The following EFNA2 variants were observed in gnomAD, a reference collection of about 807,000 sequenced individuals.
EFNA2 encodes the protein ephrin A2.
In EFNA2, 18 loss-of-function variants were observed where a neutral mutation model predicts 19.7. The ratio of observed to expected loss-of-function variants is 0.91; its 90% CI spans 0.63 to 1.35. The LOEUF is 1.35. EFNA2 is among the 40% of genes most tolerant of loss of function. The probability of loss-of-function intolerance (pLI) is 0.00; values close to 1 mark genes in which losing one functional copy is unlikely to be tolerated. For missense variants in EFNA2, 303 were observed against 296.0 expected (o/e 1.02, Z -0.17); for synonymous variants, 187 against 137.8 (o/e 1.36, Z -2.50).
chr19:1,293,331 G>A (rs1267046046), intron 1 of EFNA2, among the ~76,000 whole-genome samples: 1 of 152,228 alleles, frequency 6.6e-6, no homozygotes, highest in South Asian at 2.1e-4. Flanking sequence ...AGGGGCCAGC[G>A]GGTCAATGAG....
In EFNA2 at chr19:1,299,897, C is replaced by T; in HGVS notation, c.594C>T (p.Arg198=). 6.2e-7 allele frequency: 1 copy of T among 1,605,420 alleles called. No homozygotes were observed. Residue 198 remains arginine, a synonymous_variant, in exon 4 of 4, where the codon CGC becomes CGT. Coordinates refer to ENST00000215368, the MANE Select transcript of EFNA2 (RefSeq NM_001405.4). The part of the protein sequence containing the change: ...NNSCSSPGGC[R]LFLSTIPVLW... Reference sequence around the variant, plus strand: ...CGTGTAGCAGCCCGGGCGGCTGCCGCCTCTTCCTCAGCACCATCCCCGTGC... The same window carrying T: ...CGTGTAGCAGCCCGGGCGGCTGCCGTCTCTTCCTCAGCACCATCCCCGTGC...
intron 1 of EFNA2, among the ~76,000 whole-genome samples, chr19:1,289,668 G>A (rs1438748050): frequency 2.6e-5 from 4 of 152,212 alleles, no homozygotes; most frequent in Non-Finnish European, 4.4e-5. Context: ...CCACCCTCCC[G>A]GGGTTCCCCA....
At chr19:1,292,936 G>A (rs1448821497) in intron 1 of EFNA2, among the ~76,000 whole-genome samples, 1 of 152,194 alleles carries the variant, frequency 6.6e-6, no homozygotes, top group African/African-American at 2.4e-5. Flanking sequence ...TGTCAGACGT[G>A]GGGGAAGGAG....
At chr19:1,288,068 G>A (rs752173752) in intron 1 of EFNA2, among the ~76,000 whole-genome samples, 5 of 152,378 alleles carry the variant, frequency 3.3e-5, no homozygotes, top group African/African-American at 4.8e-5. Context: ...CTGAGGGAAC[G>A]GCCTTGCTGG....
chr19:1,300,097 C>A lies in EFNA2; in HGVS notation c.*152C>A. On this transcript the variant is annotated 3_prime_UTR_variant, in exon 4 of 4. Coordinates refer to ENST00000215368, the MANE Select transcript of EFNA2 (RefSeq NM_001405.4). ...GGTGCCGCCCCCGCCGGGCAGGGGCCATCCACCCGCCCCAGGACCAGCCCT... is the reference window on the plus strand; with the variant it reads ...GGTGCCGCCCCCGCCGGGCAGGGGCAATCCACCCGCCCCAGGACCAGCCCT... 2 of 1,119,300 alleles carry A rather than the reference C, an allele frequency of 1.8e-6. No homozygotes were observed. The highest frequency in any genetic ancestry group is 1.7e-5 in the South Asian group (1 of 59,240). 69.3% of individuals were successfully genotyped at this position (1,119,300 alleles called of 1,614,324 possible).
Position 1,297,395 on chromosome 19 carries a change from C to T in EFNA2, c.455-1156C>T, listed in dbSNP as rs1055954206. Among the ~76,000 whole-genome samples the T allele has an allele frequency of 1.3e-5, 2 of 152,128 alleles. No individual in the cohort carries two copies. The highest frequency in any genetic ancestry group is 2.1e-4 in the South Asian group (1 of 4,828). ...AAAAATTACATTTTTCTTTCTGAGA[C>T]GGCAGTTTCATAAAGATAATTATTG... On this transcript the variant is annotated intron_variant, in intron 2 of 3. Coordinates refer to ENST00000215368, the MANE Select transcript of EFNA2 (RefSeq NM_001405.4). This position sits in a 1 kb window ranked among gnomAD's most constrained non-coding sequence, Gnocchi z 5.0.
In EFNA2 at chr19:1,295,511, CG is replaced by C; in HGVS notation, c.141-31del. The C allele has an allele frequency of 6.6e-7, 1 of 1,515,558 alleles. No individual in the cohort carries two copies. The allele number at this position is 1,515,558 out of a possible 1,614,324, so 93.9% of individuals were successfully genotyped here. A position where few individuals can be genotyped will look rare whatever the true frequency, so the allele number is the denominator to read the frequency against. ...CCGACCCGTGCCCCGTTCCTCGCTC[CG>C]GGCGCTGACCTCTGGCCGCCTTGTC... is the stretch of plus-strand genomic sequence containing the variant. On this transcript the variant is annotated intron_variant, in intron 1 of 3. Transcript: ENST00000215368. The surrounding 1 kb of genome is among the most constrained non-coding windows in gnomAD (Gnocchi z 5.8).
intron 3 of EFNA2, 22 bp downstream of exon 3, chr19:1,298,638 C>T (rs1242275538): frequency 3.1e-6 from 5 of 1,612,500 alleles, no homozygotes; most frequent in Non-Finnish European, 4.2e-6. Flanking sequence ...GGGGGATGGG[C>T]AGGATCCAGG....
chr19:1,300,998 A>G lies in EFNA2; in HGVS notation c.*1053A>G, dbSNP rs1345710321. On this transcript the variant is annotated 3_prime_UTR_variant, in exon 4 of 4. Transcript: ENST00000215368. The stretch of plus-strand genomic sequence containing the variant: ...GGGGGGTGGGGTGGACTTTTAGAGT[A>G]GAAGCTGCACTTGGCAATAAGCTCG... Among the ~76,000 whole-genome samples, 1 of 151,026 alleles carries G rather than the reference A, an allele frequency of 6.6e-6. No individual in the cohort carries two copies.
Position 1,300,168 on chromosome 19 carries a change from G to T in EFNA2, c.*223G>T. On this transcript the variant is annotated 3_prime_UTR_variant, in exon 4 of 4. Coordinates refer to ENST00000215368, the MANE Select transcript of EFNA2 (RefSeq NM_001405.4). ...GAGCCCCCCCCCGGAGGCCCGAGGG[G>T]CCGGGGTGTGGATGCGGACCGTGGC... 1 of 551,320 alleles carries T rather than the reference G, an allele frequency of 1.8e-6. No homozygotes were observed. Among genetic ancestry groups the T allele is most frequent in the Non-Finnish European group, 3.0e-6 (1 of 334,612 alleles). The allele number at this position is 551,320 out of a possible 1,614,324, so 34.2% of individuals were successfully genotyped here.
chr19:1,292,754 G>A (rs1047470837), intron 1 of EFNA2, among the ~76,000 whole-genome samples: 3 of 152,320 alleles, frequency 2.0e-5, no homozygotes, highest in Middle Eastern at 3.4e-3. Context: ...CGCCGCCAAC[G>A]TGTTACAGGG....
In EFNA2 at chr19:1,301,373, C is replaced by G. The variant is rs925979115; in HGVS notation, c.*1428C>G. On this transcript the variant is annotated 3_prime_UTR_variant, in exon 4 of 4. Transcript: ENST00000215368. ...GCTGGCGACCGGGCCTCCCTCTTCCCGTCACAATCAACTTTGGATTCTGTA... is the reference window on the plus strand; with the variant it reads ...GCTGGCGACCGGGCCTCCCTCTTCCGGTCACAATCAACTTTGGATTCTGTA... 6.6e-6 allele frequency among the ~76,000 whole-genome samples: 1 copy of G among 151,706 alleles called. No individual in the cohort carries two copies. The highest frequency in any genetic ancestry group is 1.5e-5 in the Non-Finnish European group (1 of 67,938).
Position 1,295,119 on chromosome 19 carries a change from C to T in EFNA2, c.141-426C>T, listed in dbSNP as rs2081507900. Reference sequence around the variant, plus strand: ...GCAGTGCCAGGCAAGAGATCGTGGGCTCCCAACCTTGGAAGCCCGCCGTGA... The same window carrying T: ...GCAGTGCCAGGCAAGAGATCGTGGGTTCCCAACCTTGGAAGCCCGCCGTGA... On this transcript the variant is annotated intron_variant, in intron 1 of 3. Coordinates refer to ENST00000215368, the MANE Select transcript of EFNA2 (RefSeq NM_001405.4). The surrounding 1 kb of genome is among the most constrained non-coding windows in gnomAD (Gnocchi z 5.8). Among the ~76,000 whole-genome samples the T allele has an allele frequency of 1.3e-5, 2 of 152,134 alleles. No homozygotes were observed. The highest frequency in any genetic ancestry group is 1.9e-4 in the East Asian group (1 of 5,182).
rs1459264148 is a variant in EFNA2 at position 1,299,864 on chromosome 19, C to T, written c.561C>T (p.Ser187=). Residue 187 remains serine, a synonymous_variant, in exon 4 of 4, where the codon AGC becomes AGT. Transcript: ENST00000215368. ...AGGCTCCTGAGCCCATCTTCACCAG[C>T]AATAACTCGTGTAGCAGCCCGGGCG... ...LYEAPEPIFT[S]NNSCSSPGGC... The T allele has an allele frequency of 1.2e-6, 2 of 1,605,088 alleles. No homozygotes were observed. The highest frequency in any genetic ancestry group is 2.7e-5 in the African/African-American group (2 of 74,824).
In EFNA2 at chr19:1,300,792, A is replaced by G. The variant is rs181385126; in HGVS notation, c.*847A>G. 6.6e-6 allele frequency among the ~76,000 whole-genome samples: 1 copy of G among 152,210 alleles called. No homozygotes were observed. Among genetic ancestry groups the G allele is most frequent in the Admixed American group, 6.5e-5 (1 of 15,292 alleles). On this transcript the variant is annotated 3_prime_UTR_variant, in exon 4 of 4. Coordinates refer to ENST00000215368, the MANE Select transcript of EFNA2 (RefSeq NM_001405.4). ...CTTAGAAACTGCTTTGGCCGATGCA[A>G]ACAGCCCCCTACCCGTCCCCCTCGC...
chr19:1,300,592 G>T lies in EFNA2; in HGVS notation c.*647G>T, dbSNP rs1405504892. On this transcript the variant is annotated 3_prime_UTR_variant, in exon 4 of 4. Transcript: ENST00000215368. Reference sequence around the variant, plus strand: ...GGGGAACACAGCTGCAGCCCACCGCGGACCCCCCTGGTGCTCCAGGTTGGG... The same window carrying T: ...GGGGAACACAGCTGCAGCCCACCGCTGACCCCCCTGGTGCTCCAGGTTGGG... 6.6e-6 allele frequency among the ~76,000 whole-genome samples: 1 copy of T among 151,914 alleles called. No individual in the cohort carries two copies.
rs891007645 is a variant in EFNA2 at position 1,286,089 on chromosome 19, G to C, written c.-80G>C. The C allele has an allele frequency of 1.6e-3, 608 of 378,402 alleles. 7 individuals are homozygous for C. The highest frequency in any genetic ancestry group is 0.013 in the African/African-American group (571 of 44,974). 23.4% of individuals were successfully genotyped at this position (378,402 alleles called of 1,614,324 possible). A position where few individuals can be genotyped will look rare whatever the true frequency, so the allele number is the denominator to read the frequency against. On this transcript the variant is annotated 5_prime_UTR_variant, in exon 1 of 4. Transcript: ENST00000215368. The surrounding 1 kb of genome is among the most constrained non-coding windows in gnomAD (Gnocchi z 5.6). ...CCCGCCCTCCGCCCGCCCGCTCGGC[G>C]GCGGCGGCGGCGGCGGAGGAGGCGG...
At chr19:1,292,195 G>T (rs568406102) in intron 1 of EFNA2, among the ~76,000 whole-genome samples, 1 of 152,198 alleles carries the variant, frequency 6.6e-6, no homozygotes, top group East Asian at 1.9e-4. Flanking sequence ...GGGGCAACGC[G>T]CCCACCTCGG....
In EFNA2 at chr19:1,295,931, G is replaced by T; in HGVS notation, c.454+73G>T. 7.2e-7 allele frequency: 1 copy of T among 1,393,554 alleles called. No individual in the cohort carries two copies. The highest frequency in any genetic ancestry group is 9.5e-7 in the Non-Finnish European group (1 of 1,054,204). The allele number at this position is 1,393,554 out of a possible 1,614,324, so 86.3% of individuals were successfully genotyped here. A position where few individuals can be genotyped will look rare whatever the true frequency, so the allele number is the denominator to read the frequency against. ...GCGGGGGCGGGGCCAGGAAGTGGGCGGGACCACTGGGGTGGGGCCGGGGAG... is the reference window on the plus strand; with the variant it reads ...GCGGGGGCGGGGCCAGGAAGTGGGCTGGACCACTGGGGTGGGGCCGGGGAG... On this transcript the variant is annotated intron_variant, in intron 2 of 3. Coordinates refer to ENST00000215368, the MANE Select transcript of EFNA2 (RefSeq NM_001405.4). This position sits in a 1 kb window ranked among gnomAD's most constrained non-coding sequence, Gnocchi z 5.8.
Sources: allele counts gnomAD v4.1 joint callset (sites outside exome capture counted in the v4.1 genomes callset), GRCh38; gene constraint gnomAD v4.1.1; non-coding constraint Gnocchi (gnomAD v3.1); transcripts MANE v1.5; gene names NCBI Gene and HGNC (gene_info 2026-07-23, HGNC 2026-07-21).